Variants in CCDC7 observed in about 807,000 individuals in gnomAD.
CCDC7 encodes coiled-coil domain containing 7, also known as coiled-coil domain-containing protein 7.
Under a neutral mutation model 196.9 loss-of-function variants are expected in CCDC7, and 183 were observed. The ratio of observed to expected loss-of-function variants is 0.93; its 90% CI spans 0.82 to 1.05. The LOEUF is 1.05. Ranked by LOEUF, CCDC7 falls within the 50% of genes least tolerant of loss-of-function variation. CCDC7 has a pLI of 0.00. For missense variants in CCDC7, 1,540 were observed against 1,482.2 expected, an observed-to-expected ratio of 1.04 and a Z score of -0.64; for synonymous variants, 525 against 484.6, an observed-to-expected ratio of 1.08 and a Z score of -1.10.
chr10:32,826,085 C>A (rs755493060), intron 32 of CCDC7, among the ~76,000 whole-genome samples: 4 of 152,170 alleles, frequency 2.6e-5, no homozygotes, highest in Non-Finnish European at 4.4e-5. Context: ...CAGTGATGGC[C>A]TTCCCTGAGG....
intron 11 of CCDC7, among the ~76,000 whole-genome samples, chr10:32,519,257 A>G (rs1429751395): frequency 6.6e-6 from 1 of 152,172 alleles, no homozygotes; most frequent in African/African-American, 2.4e-5. Context: ...CAAAAAAACT[A>G]AAAATAGTAA....
intron 18 of CCDC7, among the ~76,000 whole-genome samples, chr10:32,630,217 C>T (rs926705962): frequency 2.0e-5 from 3 of 152,030 alleles, no homozygotes; most frequent in Non-Finnish European, 4.4e-5. Flanking sequence ...CCTGTCCCTG[C>T]TGTTCCTCAA....
At chr10:32,772,115 G>T (rs1018704329) in intron 28 of CCDC7, among the ~76,000 whole-genome samples, 2 of 152,220 alleles carry the variant, frequency 1.3e-5, no homozygotes, top group Non-Finnish European at 2.9e-5. Context: ...TGGTGGGTTT[G>T]TACTCTGAGT....
chr10:32,729,086 C>A, intron 27 of CCDC7, 89 bp downstream of exon 28: 2 of 952,462 alleles, frequency 2.1e-6, no homozygotes, highest in African/African-American at 1.7e-5. Context: ...GTACTTCAGA[C>A]TATATTTCAT....
intron 20 of CCDC7, among the ~76,000 whole-genome samples, chr10:32,656,543 A>C (rs1832048): frequency 0.45 from 68,279 of 152,016 alleles, 16,083 homozygotes; most frequent in East Asian, 0.58. Flanking sequence ...GGGGGAAAGC[A>C]CCTCAGAAAA....
At chr10:32,835,414 A>G (rs2092524482) in intron 33 of CCDC7, among the ~76,000 whole-genome samples, 1 of 152,122 alleles carries the variant, frequency 6.6e-6, no homozygotes, top group African/African-American at 2.4e-5. Context: ...TCACAATAGC[A>G]AAGACATGAA....
intron 16 of CCDC7, among the ~76,000 whole-genome samples, chr10:32,580,833 C>T (rs1489471838): frequency 6.2e-5 from 9 of 144,644 alleles, no homozygotes; most frequent in Admixed American, 1.4e-4. Flanking sequence ...AGGAAAGTTC[C>T]GGAAAAAGAA....
chr10:32,474,398 A>ATT (rs71515561), intron 8 of CCDC7, among the ~76,000 whole-genome samples: 3 of 146,216 alleles, frequency 2.1e-5, no homozygotes, highest in South Asian at 4.4e-4. Context: ...TAACTTTTGT[A>ATT]TTTTTTTTTC....
chr10:32,511,826 G>A (rs115347649), intron 9 of CCDC7: 142 of 830,574 alleles, frequency 1.7e-4, no homozygotes, highest in African/African-American at 1.2e-3. Flanking sequence ...CTCTGCCCGC[G>A]CCACCAGCGG....
intron 13 of CCDC7, among the ~76,000 whole-genome samples, chr10:32,552,254 C>A (rs1564625278): frequency 6.6e-6 from 1 of 151,968 alleles, no homozygotes. Context: ...CATGAAATGC[C>A]TTTTTCCACC....
intron 30 of CCDC7, among the ~76,000 whole-genome samples, chr10:32,807,938 C>T (rs1264473540): frequency 6.6e-6 from 1 of 152,090 alleles, no homozygotes; most frequent in Non-Finnish European, 1.5e-5. Flanking sequence ...TCCATGTTGG[C>T]CAGGCTGGTG....
chr10:32,464,579 G>A (rs577730141), intron 5 of CCDC7, among the ~76,000 whole-genome samples: 52 of 152,132 alleles, frequency 3.4e-4, no homozygotes, highest in African/African-American at 1.1e-3. Flanking sequence ...ATTTGATCTC[G>A]GCTCACTGAA....
upstream of CCDC7, among the ~76,000 whole-genome samples, chr10:32,445,616 G>T (rs77615240): frequency 0.13 from 20,354 of 152,130 alleles, 1,618 homozygotes; most frequent in African/African-American, 0.22. Flanking sequence ...ACTCTACCTT[G>T]TAAAATTGCA....
At chr10:32,659,268 C>A (rs138918314) in intron 20 of CCDC7, among the ~76,000 whole-genome samples, 1 of 151,846 alleles carries the variant, frequency 6.6e-6, no homozygotes, top group Admixed American at 6.6e-5. Context: ...TTTGATTTTC[C>A]TTTTTATTTT....
At chr10:32,462,196 G>A (rs893502021) in intron 3 of CCDC7, among the ~76,000 whole-genome samples, 3 of 152,116 alleles carry the variant, frequency 2.0e-5, no homozygotes, top group Admixed American at 2.0e-4. Flanking sequence ...TGACATGGGA[G>A]GATTGCTTGT....
chr10:32,694,869 C>T lies in CCDC7; in HGVS notation c.2345-10C>T. 1 of 1,553,342 alleles carries T rather than the reference C, an allele frequency of 6.4e-7. No homozygotes were observed. Among genetic ancestry groups the T allele is most frequent in the Non-Finnish European group, 8.8e-7 (1 of 1,137,206 alleles). ...TTCCATTAAGAGACTAAATGCATCT[C>T]CTTATGTAGCTCATGATGAAGAACC... On this transcript the variant is annotated splice_polypyrimidine_tract_variant and intron_variant, in intron 23 of 41. Transcript: ENST00000639629.
chr10:32,472,142 A>T (rs1470264088), intron 6 of CCDC7, among the ~76,000 whole-genome samples: 1 of 152,192 alleles, frequency 6.6e-6, no homozygotes, highest in Non-Finnish European at 1.5e-5. Flanking sequence ...TCCGGAACTT[A>T]TGTCCTTCAT....
intron 14 of CCDC7, among the ~76,000 whole-genome samples, chr10:32,566,691 A>T (rs1443326166): frequency 6.6e-6 from 1 of 151,720 alleles, no homozygotes; most frequent in African/African-American, 2.4e-5. Flanking sequence ...CCGGTGGATC[A>T]CTTTGAGCCC....
At chr10:32,605,397 T>G (rs148947122) in intron 18 of CCDC7, among the ~76,000 whole-genome samples, 19 of 152,242 alleles carry the variant, frequency 1.2e-4, no homozygotes, top group African/African-American at 4.6e-4. Flanking sequence ...TGGATGCAAC[T>G]TTGGAGCTGC....
Sources: gnomAD v4.1 joint callset for allele counts (sites outside exome capture counted in the v4.1 genomes callset) on GRCh38, gnomAD v4.1.1 for gene constraint, MANE v1.5 for transcripts, NCBI Gene and HGNC (gene_info 2026-07-23, HGNC 2026-07-21) for gene names.